The following KLHL13 variants were observed in gnomAD, a reference collection of about 807,000 sequenced individuals.
KLHL13 encodes kelch-like protein 13.
A neutral mutation model predicts 37.1 loss-of-function variants in KLHL13; 10 were observed. The ratio of observed to expected loss-of-function variants is 0.27; its 90% CI spans 0.17 to 0.46. The LOEUF is 0.46. Ranked by LOEUF, KLHL13 falls within the 20% of genes least tolerant of loss-of-function variation. KLHL13 has a pLI of 1.00. For missense variants in KLHL13, 360 were observed against 509.3 expected (o/e 0.71, Z 2.82); for synonymous variants, 163 against 181.2 (o/e 0.90, Z 0.81).
At chrX:117,963,841 A>G (rs1188266057) in intron 1 of KLHL13, among the ~76,000 whole-genome samples, 1 of 106,750 alleles carries the variant, frequency 9.4e-6, no homozygotes, top group Non-Finnish European at 1.9e-5. Context: ...TTACATATAC[A>G]CCATGGAATA....
intron 1 of KLHL13, among the ~76,000 whole-genome samples, chrX:118,064,783 T>C (rs1220904787): frequency 1.8e-5 from 2 of 111,956 alleles, no homozygotes; most frequent in Non-Finnish European, 3.8e-5. Flanking sequence ...ACATATTTGC[T>C]AGCTGTTTTC....
chrX:117,941,280 G>A (rs1041092403), intron 2 of KLHL13, among the ~76,000 whole-genome samples: 1 of 111,713 alleles, frequency 9.0e-6, no homozygotes, highest in South Asian at 3.7e-4. Flanking sequence ...GTTGATCAGC[G>A]ATATTGGCCT....
intron 1 of KLHL13, among the ~76,000 whole-genome samples, chrX:118,035,454 A>T (rs1243124528): frequency 9.1e-6 from 1 of 109,971 alleles, no homozygotes; most frequent in Non-Finnish European, 1.9e-5. Context: ...AAATCAATAA[A>T]TGTAATCCAG....
chrX:118,082,139 T>C lies in KLHL13; in HGVS notation c.-56+34369A>G, dbSNP rs7889750. On this transcript the variant is annotated intron_variant, in intron 1 of 6. Coordinates refer to the KLHL13 transcript ENST00000371882. Reference sequence around the variant, plus strand: ...TTTGAATATACAGTCAGCAGTGAGATTGCTGTATCACATGGGAGATCTATT... The same window carrying C: ...TTTGAATATACAGTCAGCAGTGAGACTGCTGTATCACATGGGAGATCTATT... Among the ~76,000 whole-genome samples, 431 of 111,250 alleles carry C rather than the reference T, an allele frequency of 3.9e-3. 5 individuals carry two copies. The highest frequency in any genetic ancestry group is 0.014 in the African/African-American group (418 of 30,625).
At chrX:117,921,628 A>G (rs982126489) in intron 2 of KLHL13, among the ~76,000 whole-genome samples, 2 of 112,309 alleles carry the variant, frequency 1.8e-5, no homozygotes, top group African/African-American at 6.5e-5. Context: ...TGTCCCCTTC[A>G]TATTTTAATG....
chrX:117,968,163 A>AT (rs58913859), intron 1 of KLHL13, among the ~76,000 whole-genome samples: 19 of 107,975 alleles, frequency 1.8e-4, no homozygotes, highest in East Asian at 5.9e-4. Flanking sequence ...ATGTAATAGA[A>AT]TTTTTTTTTT....
chrX:117,937,758 A>G (rs754383634), intron 2 of KLHL13, among the ~76,000 whole-genome samples: 1 of 111,914 alleles, frequency 8.9e-6, no homozygotes, highest in East Asian at 2.8e-4. Context: ...TTTGAATACC[A>G]TACAATTTAC....
At chrX:117,985,149 T>C in intron 1 of KLHL13, 1 of 616,707 alleles carries the variant, frequency 1.6e-6, no homozygotes, top group Non-Finnish European at 2.4e-6. Flanking sequence ...GATTTTTGTA[T>C]ATCGCTTCAC....
chrX:117,987,848 C>A (rs559646821), intron 1 of KLHL13, among the ~76,000 whole-genome samples: 1 of 111,527 alleles, frequency 9.0e-6, no homozygotes, highest in African/African-American at 3.3e-5. Flanking sequence ...TGACCAGTTG[C>A]CTTTCCACTA....
At chrX:118,065,454 A>C (rs1343644432) in intron 1 of KLHL13, among the ~76,000 whole-genome samples, 4 of 111,107 alleles carry the variant, frequency 3.6e-5, no homozygotes, top group Non-Finnish European at 7.5e-5. Flanking sequence ...TGCTGATTAG[A>C]CCAGAAGTGG....
chrX:118,062,404 T>C (rs1602693556), intron 1 of KLHL13, among the ~76,000 whole-genome samples: 1 of 111,002 alleles, frequency 9.0e-6, no homozygotes, highest in East Asian at 2.8e-4. Context: ...ATGGTCCACA[T>C]GTACCACTAA....
At chrX:118,022,702 T>C (rs747778518) in intron 1 of KLHL13, among the ~76,000 whole-genome samples, 1 of 112,516 alleles carries the variant, frequency 8.9e-6, no homozygotes, top group Non-Finnish European at 1.9e-5. Context: ...GTGTTTCTTT[T>C]CTACTGAGTT....
chrX:117,994,881 C>T (rs1220226550), intron 1 of KLHL13, among the ~76,000 whole-genome samples: 1 of 110,829 alleles, frequency 9.0e-6, no homozygotes, highest in African/African-American at 3.3e-5. Flanking sequence ...CATAGTGAGA[C>T]TTCATCTGTA....
intron 1 of KLHL13, among the ~76,000 whole-genome samples, chrX:118,065,112 T>C (rs1374664137): frequency 8.9e-6 from 1 of 111,737 alleles, no homozygotes; most frequent in African/African-American, 3.3e-5. Flanking sequence ...GAGTACTCTG[T>C]GGTCAATATA....
chrX:117,951,937 A>G (rs1016619197), intron 1 of KLHL13, among the ~76,000 whole-genome samples: 16 of 112,297 alleles, frequency 1.4e-4, no homozygotes, highest in Non-Finnish European at 2.8e-4. Flanking sequence ...TTCCATGTTC[A>G]TGGGTAGGAA....
intron 1 of KLHL13, among the ~76,000 whole-genome samples, chrX:118,075,010 C>T (rs1366732830): frequency 8.9e-6 from 1 of 111,966 alleles, no homozygotes; most frequent in African/African-American, 3.2e-5. Context: ...CTTTTTGACT[C>T]AGTATCTCAG....
intron 1 of KLHL13, among the ~76,000 whole-genome samples, chrX:117,962,108 G>C (rs1400812243): frequency 1.9e-5 from 2 of 105,751 alleles, no homozygotes; most frequent in Non-Finnish European, 3.8e-5. Flanking sequence ...TTACTGAGGA[G>C]GCTGAGGCAG....
intron 5 of KLHL13, among the ~76,000 whole-genome samples, chrX:117,904,676 C>A (rs1930377662): frequency 8.9e-6 from 1 of 112,039 alleles, no homozygotes; most frequent in South Asian, 3.7e-4. Flanking sequence ...TTCATGTTCA[C>A]AAATAAAGCT....
intron 4 of KLHL13, among the ~76,000 whole-genome samples, chrX:117,915,962 C>T (rs764988596): frequency 8.9e-6 from 1 of 112,132 alleles, no homozygotes; most frequent in Non-Finnish European, 1.9e-5. Flanking sequence ...AGTTTGAGAC[C>T]AGCCTGACCA....
Sources: allele counts gnomAD v4.1 joint callset (sites outside exome capture counted in the v4.1 genomes callset), GRCh38; gene constraint gnomAD v4.1.1; transcripts MANE v1.5; gene names NCBI Gene and HGNC (gene_info 2026-07-23, HGNC 2026-07-21).